MRPL37: variants seen among roughly 807,000 people sequenced by gnomAD.
MRPL37 encodes the protein large ribosomal subunit protein mL37.
A neutral mutation model predicts 44.1 loss-of-function variants in MRPL37; 34 were observed. The observed-to-expected ratio is 0.77, with a 90% CI of 0.59 to 1.03. The LOEUF (loss-of-function observed/expected upper bound fraction) is 1.03. Among genes scored for constraint, MRPL37 ranks in the 50% least tolerant of loss-of-function variants. The pLI, the probability that MRPL37 is intolerant of heterozygous loss-of-function variation, is 0.00. For synonymous variants in MRPL37, 212 were observed against 219.5 expected (o/e 0.97, Z 0.30); for missense variants, 532 against 543.7 (o/e 0.98, Z 0.21).
At chr1:54,224,040 G>A (rs1425966899), downstream of MRPL37, among the ~76,000 whole-genome samples, 5 of 152,224 alleles carry the variant, frequency 3.3e-5, no homozygotes, top group Non-Finnish European at 7.3e-5. Context: ...GCTGGGCCCC[G>A]TGACCTGCCT....
intron 4 of MRPL37, among the ~76,000 whole-genome samples, chr1:54,210,557 C>T (rs986454392): frequency 6.6e-6 from 1 of 152,102 alleles, no homozygotes; most frequent in Non-Finnish European, 1.5e-5. Flanking sequence ...ACTGAGGAAG[C>T]CCCATAGACA....
intron 4 of MRPL37, among the ~76,000 whole-genome samples, 170 bp downstream of exon 4, chr1:54,210,301 T>G (rs1430994847): frequency 1.3e-5 from 2 of 152,330 alleles, no homozygotes; most frequent in East Asian, 3.9e-4. Flanking sequence ...TATCTCCATT[T>G]CATAGGCAAA....
chr1:54,212,553 C>T lies in MRPL37; in HGVS notation c.885C>T (p.Asp295=). The T allele has an allele frequency of 6.2e-7, 1 of 1,614,178 alleles. No individual in the cohort carries two copies. Among genetic ancestry groups the T allele is most frequent in the South Asian group, 1.1e-5 (1 of 91,078 alleles). Residue 295 remains aspartate, a synonymous_variant, in exon 5 of 7, where the codon GAC becomes GAT. Transcript: ENST00000360840. ...ATCCCCATACCCTGTACTTACTGGA[C>T]AAAGCCAATTTACGACCACACCGCC... ...YPYPHTLYLL[D]KANLRPHRLQ...
chr1:54,216,930 C>CGTTTT lies in MRPL37; in HGVS notation c.1194+590_1194+591insTGTTT, dbSNP rs1553179695. On this transcript the variant is annotated intron_variant, in intron 6 of 6. Coordinates refer to ENST00000360840, the MANE Select transcript of MRPL37 (RefSeq NM_016491.4). ...TGAGGGCAGGGTCTGGGGATGCATT[C>CGTTTT]GTTTCATCCCACAGATACGGAGTTC... 3.7e-4 allele frequency among the ~76,000 whole-genome samples: 56 copies of CGTTTT among 152,198 alleles called. 1 individual carries two copies. The highest frequency in any genetic ancestry group is 1.3e-3 in the African/African-American group (52 of 41,524).
At chr1:54,208,292 C>T (rs11206303) in intron 3 of MRPL37, among the ~76,000 whole-genome samples, 133,871 of 152,070 alleles carry the variant, frequency 0.88, 59,170 homozygotes, top group Non-Finnish European at 0.92. Flanking sequence ...CCTGTAATCC[C>T]AGCACTTTGG....
At chr1:54,225,459 A>G (rs755107356), downstream of MRPL37, 22 of 1,207,978 alleles carry the variant, frequency 1.8e-5, no homozygotes, top group Non-Finnish European at 2.3e-5. Flanking sequence ...CCTTTAATAA[A>G]ACGTTATCAA....
chr1:54,218,418 G>T, downstream of MRPL37: 1 of 1,464,504 alleles, frequency 6.8e-7, no homozygotes, highest in Non-Finnish European at 9.0e-7. Context: ...ATCGGGAAGG[G>T]CGCCCACACA....
chr1:54,217,456 G>A (rs763170225), intron 6 of MRPL37, among the ~76,000 whole-genome samples: 18 of 152,132 alleles, frequency 1.2e-4, no homozygotes, highest in Non-Finnish European at 2.1e-4. Flanking sequence ...GCCTGTTGTG[G>A]TTTGGAGACA....
rs777112225 is a variant in MRPL37, at chr1:54,200,267, A to G, written c.24A>G (p.Ala8=). ...GTATGGCATTGGCGTCCGGGCCCGC[A>G]AGGCGGGCGCTAGCTGGCTCCGGGC... The part of the protein sequence containing the change: MALASGP[A]RRALAGSGQL... Residue 8 remains alanine (A), a synonymous_variant, in exon 1 of 7, where the codon GCA becomes GCG. Coordinates refer to ENST00000360840, the MANE Select transcript of MRPL37 (RefSeq NM_016491.4). The G allele has an allele frequency of 1.4e-5, 23 of 1,596,912 alleles. No individual in the cohort carries two copies. In the Admixed American group the frequency reaches 3.0e-4, roughly 21 times the overall value.
Position 54,200,339 on chromosome 1 carries a change from G to A in MRPL37, c.96G>A (p.Glu32=), listed in dbSNP as rs1455323438. The A allele has an allele frequency of 1.9e-6, 3 of 1,614,062 alleles. No homozygotes were observed. Among genetic ancestry groups the A allele is most frequent in the Admixed American group, 3.3e-5 (2 of 60,028 alleles). ...GFGAPRRGAY[E]WGVRSTRKSE... ...GGGCCCCGAGACGCGGGGCGTATGAGTGGGGCGTGCGCTCCACGCGGAAGT... is the reference window on the plus strand; with the variant it reads ...GGGCCCCGAGACGCGGGGCGTATGAATGGGGCGTGCGCTCCACGCGGAAGT... The change falls in exon 1 of 7, where the codon GAG becomes GAA. Residue 32 remains glutamate, a synonymous_variant. Coordinates refer to ENST00000360840, the MANE Select transcript of MRPL37 (RefSeq NM_016491.4).
At chr1:54,205,472 C>A in intron 3 of MRPL37, 62 bp downstream of exon 3, 1 of 1,344,864 alleles carries the variant, frequency 7.4e-7, no homozygotes, top group South Asian at 1.2e-5. Flanking sequence ...ACTCTTAACC[C>A]CACCACCAGC....
At chr1:54,210,289 A>G (rs563187719) in intron 4 of MRPL37, among the ~76,000 whole-genome samples, 158 bp downstream of exon 4, 3 of 152,302 alleles carry the variant, frequency 2.0e-5, no homozygotes, top group African/African-American at 4.8e-5. Context: ...GACAAGTACT[A>G]TTATCTCCAT....
intron 3 of MRPL37, among the ~76,000 whole-genome samples, chr1:54,206,914 TG>T (rs1420768107): frequency 1.3e-5 from 2 of 151,808 alleles, no homozygotes; most frequent in East Asian, 1.9e-4. Flanking sequence ...TTTGTGTGTG[TG>T]TGTGTGTGTG....
chr1:54,205,660 T>G (rs1644116631), intron 3 of MRPL37, among the ~76,000 whole-genome samples: 2 of 152,220 alleles, frequency 1.3e-5, no homozygotes, highest in African/African-American at 4.8e-5. Context: ...GTGCTTAGGA[T>G]GTGCTTGGGA....
chr1:54,207,476 C>T (rs1644132600), intron 3 of MRPL37: 4 of 152,210 alleles, frequency 2.6e-5, no homozygotes, highest in Admixed American at 2.6e-4. Flanking sequence ...TGTGTATAGA[C>T]TTCCTGGCAA....
At chr1:54,223,229 A>G (rs10888842), downstream of MRPL37, among the ~76,000 whole-genome samples, 26,384 of 152,142 alleles carry the variant, frequency 0.17, 2,702 homozygotes, top group East Asian at 0.47. Context: ...GGGCAGAGCA[A>G]CGCTCATCCG....
intron 1 of MRPL37, among the ~76,000 whole-genome samples, chr1:54,204,374 C>T (rs6680918): frequency 0.88 from 133,416 of 151,510 alleles, 58,973 homozygotes; most frequent in Non-Finnish European, 0.92. Context: ...TCAGCCTGGG[C>T]GACAGAGCGA....
intron 3 of MRPL37, among the ~76,000 whole-genome samples, chr1:54,207,884 AC>A (rs1487314211): frequency 6.6e-6 from 1 of 152,236 alleles, no homozygotes; most frequent in Non-Finnish European, 1.5e-5. Flanking sequence ...TCTTAGACAT[AC>A]AAGAAAACCG....
chr1:54,225,306 GACGCCTCAA>G (rs112612333), downstream of MRPL37: 58 of 1,234,208 alleles, frequency 4.7e-5, no homozygotes, highest in African/African-American at 7.9e-4. Context: ...AAAGAAGGCA[GACGCCTCAA>G]ACACAAAACA....
Sources: gnomAD v4.1 joint callset for allele counts (sites outside exome capture counted in the v4.1 genomes callset) on GRCh38, gnomAD v4.1.1 for gene constraint, MANE v1.5 for transcripts, NCBI Gene and HGNC (gene_info 2026-07-23, HGNC 2026-07-21) for gene names.